PLXDC2: variants seen among roughly 807,000 people sequenced by gnomAD.
PLXDC2 encodes the protein plexin domain containing 2.
Under a neutral mutation model 68.9 loss-of-function variants are expected in PLXDC2, and 40 were observed. The ratio of observed to expected loss-of-function variants is 0.58; its 90% CI spans 0.45 to 0.76. The LOEUF is 0.76. PLXDC2 is among the 30% of genes least tolerant of loss of function. PLXDC2 has a pLI of 0.00. For synonymous variants in PLXDC2, 243 were observed against 234.2 expected, an observed-to-expected ratio of 1.04 and a Z score of -0.34; for missense variants, 644 against 661.9, an observed-to-expected ratio of 0.97 and a Z score of 0.30.
chr10:20,180,876 T>C lies in PLXDC2; in HGVS notation c.1061+3467T>C, dbSNP rs140625926. ...GTGCTTATGTTTCCTCATTGCAGAC[T>C]GAGAATACCTAATCAATCACTTTCA... On this transcript the variant is annotated intron_variant, in intron 9 of 13. Transcript: ENST00000377252. Among the ~76,000 whole-genome samples, 11 of 152,172 alleles carry C rather than the reference T, an allele frequency of 7.2e-5. No homozygotes were observed. The East Asian group carries it at 2.1e-3, about 30-fold the overall frequency.
intron 4 of PLXDC2, among the ~76,000 whole-genome samples, chr10:20,126,128 G>A (rs2944447): frequency 1 from 146,454 of 147,032 alleles, 72,958 homozygotes; most frequent in Middle Eastern, 1. Flanking sequence ...TATAATATAT[G>A]TTATATATGT....
chr10:20,135,715 G>A (rs1335986484), intron 4 of PLXDC2, among the ~76,000 whole-genome samples: 3 of 152,142 alleles, frequency 2.0e-5, no homozygotes, highest in Non-Finnish European at 4.4e-5. Context: ...AACATAATTT[G>A]CAGCTGATAA....
chr10:19,816,816 T>C lies in PLXDC2; in HGVS notation c.-264T>C, dbSNP rs1214171187. Reference sequence around the variant, plus strand: ...TGCAAGTGGCCTCTCCTCCCCGCGGTTGTTGTTCAGTGTCGGGTGAGGGCT... The same window carrying C: ...TGCAAGTGGCCTCTCCTCCCCGCGGCTGTTGTTCAGTGTCGGGTGAGGGCT... On this transcript the variant is annotated 5_prime_UTR_variant, in exon 1 of 14. Coordinates refer to ENST00000377252, the MANE Select transcript of PLXDC2 (RefSeq NM_032812.9). 1.4e-5 allele frequency: 7 copies of C among 517,734 alleles called. No individual in the cohort carries two copies. 32.1% of individuals were successfully genotyped at this position (517,734 alleles called of 1,614,324 possible). A position where few individuals can be genotyped will look rare whatever the true frequency, so the allele number is the denominator to read the frequency against.
chr10:20,068,658 C>CAT (rs903462970), intron 4 of PLXDC2, among the ~76,000 whole-genome samples: 47 of 148,556 alleles, frequency 3.2e-4, no homozygotes, highest in East Asian at 2.0e-3. Context: ...CACTTACACA[C>CAT]ATATATATAT....
chr10:19,936,511 G>A (rs541606234), intron 1 of PLXDC2, among the ~76,000 whole-genome samples: 3 of 152,288 alleles, frequency 2.0e-5, no homozygotes, highest in Non-Finnish European at 4.4e-5. Context: ...GTGATGGCTG[G>A]AGTTGGCTCA....
At chr10:19,972,621 A>G (rs1286533270) in intron 1 of PLXDC2, among the ~76,000 whole-genome samples, 9 of 152,180 alleles carry the variant, frequency 5.9e-5, no homozygotes, top group Non-Finnish European at 1.3e-4. Flanking sequence ...AAACCTGCAC[A>G]CACATCTCCC....
intron 1 of PLXDC2, among the ~76,000 whole-genome samples, chr10:19,888,176 A>G (rs1057334176): frequency 1.3e-5 from 2 of 152,206 alleles, no homozygotes; most frequent in Non-Finnish European, 2.9e-5. Context: ...AGACCGGGCT[A>G]TTGCTTTGCC....
chr10:20,040,059 G>C (rs917499527), intron 2 of PLXDC2, among the ~76,000 whole-genome samples: 2 of 152,114 alleles, frequency 1.3e-5, no homozygotes, highest in Non-Finnish European at 2.9e-5. Flanking sequence ...TGGGGTGGGA[G>C]GTCAGTCATG....
At chr10:19,839,663 T>C (rs1274637150) in intron 1 of PLXDC2, among the ~76,000 whole-genome samples, 1 of 151,454 alleles carries the variant, frequency 6.6e-6, no homozygotes, top group East Asian at 1.9e-4. Context: ...GATTAAAATA[T>C]GAAACAGAGA....
intron 1 of PLXDC2, among the ~76,000 whole-genome samples, chr10:19,831,367 A>G (rs1250716940): frequency 6.6e-6 from 1 of 151,508 alleles, no homozygotes; most frequent in East Asian, 1.9e-4. Flanking sequence ...TATTTTTCCT[A>G]TGGGTATAGA....
At chr10:19,939,596 G>A (rs1434541466) in intron 1 of PLXDC2, among the ~76,000 whole-genome samples, 1 of 152,142 alleles carries the variant, frequency 6.6e-6, no homozygotes, top group Non-Finnish European at 1.5e-5. Flanking sequence ...GTAACTGAAA[G>A]CTCACAGAAA....
chr10:19,854,648 TA>T (rs35982443), intron 1 of PLXDC2, among the ~76,000 whole-genome samples: 1 of 152,030 alleles, frequency 6.6e-6, no homozygotes, highest in Non-Finnish European at 1.5e-5. Context: ...CAAGCGAAGT[TA>T]AAAAAAACCT....
intron 1 of PLXDC2, among the ~76,000 whole-genome samples, chr10:19,969,465 A>G (rs562229768): frequency 3.3e-5 from 5 of 152,352 alleles, no homozygotes; most frequent in South Asian, 2.1e-4. Flanking sequence ...GGAAATTGAC[A>G]TATAAGACAA....
intron 3 of PLXDC2, among the ~76,000 whole-genome samples, chr10:20,050,283 A>G (rs1835869842): frequency 6.6e-6 from 1 of 152,170 alleles, no homozygotes; most frequent in African/African-American, 2.4e-5. Flanking sequence ...AGGCAATACC[A>G]TTCTGGACAT....
chr10:20,136,952 G>T (rs866917507), intron 4 of PLXDC2, among the ~76,000 whole-genome samples: 2 of 152,184 alleles, frequency 1.3e-5, no homozygotes, highest in Non-Finnish European at 2.9e-5. Context: ...CCAATAGGAG[G>T]TTAACATTTT....
chr10:19,944,909 G>T (rs775406652), intron 1 of PLXDC2, among the ~76,000 whole-genome samples: 1 of 152,162 alleles, frequency 6.6e-6, no homozygotes, highest in Non-Finnish European at 1.5e-5. Flanking sequence ...CTGAAATTGC[G>T]CCACTGCACT....
intron 1 of PLXDC2, among the ~76,000 whole-genome samples, chr10:19,977,966 T>A (rs938380929): frequency 1.3e-5 from 2 of 152,206 alleles, no homozygotes; most frequent in Non-Finnish European, 2.9e-5. Flanking sequence ...TTCCAGATAA[T>A]ATGCCTCCAG....
At chr10:20,240,728 A>AAAG (rs1436304103) in intron 12 of PLXDC2, among the ~76,000 whole-genome samples, 1 of 151,838 alleles carries the variant, frequency 6.6e-6, no homozygotes, top group East Asian at 1.9e-4. Flanking sequence ...AAAAAAAAAA[A>AAAG]AAAGGTTAAA....
At chr10:19,981,856 G>A (rs541744715) in intron 1 of PLXDC2, among the ~76,000 whole-genome samples, 1 of 152,282 alleles carries the variant, frequency 6.6e-6, no homozygotes, top group South Asian at 2.1e-4. Flanking sequence ...GAGCAAAATT[G>A]CCCTTCAGGC....
Sources: allele counts gnomAD v4.1 joint callset (sites outside exome capture counted in the v4.1 genomes callset), GRCh38; gene constraint gnomAD v4.1.1; transcripts MANE v1.5; gene names NCBI Gene and HGNC (gene_info 2026-07-23, HGNC 2026-07-21).